Variants in NRXN3 observed in about 807,000 individuals in gnomAD.
The protein encoded by NRXN3 is neurexin III.
Under a neutral mutation model 137.6 loss-of-function variants are expected in NRXN3, and 32 were observed. The observed-to-expected ratio is 0.23, with a 90% CI of 0.18 to 0.31. The LOEUF is 0.31. Ranked by LOEUF, NRXN3 falls within the 10% of genes least tolerant of loss-of-function variation. The probability of loss-of-function intolerance (pLI) is 1.00; values close to 1 mark genes in which losing one functional copy is unlikely to be tolerated. For missense variants in NRXN3, 1,574 were observed against 2,062.5 expected, an observed-to-expected ratio of 0.76 and a Z score of 4.59; for synonymous variants, 798 against 784.5, an observed-to-expected ratio of 1.02 and a Z score of -0.29.
At chr14:78,951,778 C>A (rs554108901) in intron 10 of NRXN3, among the ~76,000 whole-genome samples, 19 of 152,178 alleles carry the variant, frequency 1.2e-4, no homozygotes, top group African/African-American at 4.3e-4. Flanking sequence ...TTCTGATGCT[C>A]AATTAGCATT....
intron 4 of NRXN3, among the ~76,000 whole-genome samples, chr14:78,360,706 T>C (rs191110590): frequency 6.6e-6 from 1 of 152,356 alleles, no homozygotes; most frequent in Non-Finnish European, 1.5e-5. Flanking sequence ...TTTTAAATTG[T>C]ATATGTATGC....
chr14:78,899,252 A>T (rs2152734909), intron 10 of NRXN3, among the ~76,000 whole-genome samples: 1 of 152,062 alleles, frequency 6.6e-6, no homozygotes, highest in East Asian at 1.9e-4. Flanking sequence ...AACACTTCAC[A>T]AGGGTTTGCC....
chr14:79,464,911 G>A (rs142183768), intron 15 of NRXN3, among the ~76,000 whole-genome samples: 68 of 152,220 alleles, frequency 4.5e-4, no homozygotes, highest in African/African-American at 1.6e-3. Context: ...AAAATATTTT[G>A]CAAACTGTAA....
At chr14:78,437,811 C>T (rs1381456137) in intron 4 of NRXN3, among the ~76,000 whole-genome samples, 4 of 152,170 alleles carry the variant, frequency 2.6e-5, no homozygotes, top group South Asian at 2.1e-4. Context: ...ATAAATTTCC[C>T]AGGTGATTTT....
chr14:79,770,351 C>A (rs1331034301), intron 19 of NRXN3, among the ~76,000 whole-genome samples: 2 of 150,798 alleles, frequency 1.3e-5, no homozygotes, highest in Non-Finnish European at 3.0e-5. Flanking sequence ...ACACCTATTC[C>A]AAAATTGACC....
intron 15 of NRXN3, among the ~76,000 whole-genome samples, chr14:79,256,237 G>A (rs1201276521): frequency 6.6e-6 from 1 of 151,764 alleles, no homozygotes. Context: ...CCACTTAAAG[G>A]AATGCTGTGA....
intron 16 of NRXN3, among the ~76,000 whole-genome samples, chr14:79,499,514 C>T (rs942319330): frequency 2.6e-5 from 4 of 152,164 alleles, no homozygotes; most frequent in African/African-American, 9.7e-5. Context: ...TTACCATGTG[C>T]TTACATGTTT....
intron 16 of NRXN3, among the ~76,000 whole-genome samples, chr14:79,478,452 T>A (rs1458069765): frequency 6.6e-6 from 1 of 151,996 alleles, no homozygotes; most frequent in Non-Finnish European, 1.5e-5. Flanking sequence ...TATGGTGTAA[T>A]CTTTGCCACT....
At chr14:78,837,049 A>G (rs1254369241) in intron 10 of NRXN3, among the ~76,000 whole-genome samples, 1 of 152,096 alleles carries the variant, frequency 6.6e-6, no homozygotes, top group African/African-American at 2.4e-5. Flanking sequence ...TCCACCCCCC[A>G]TCCTTAATTA....
At chr14:79,012,812 C>A (rs542761223) in intron 15 of NRXN3, among the ~76,000 whole-genome samples, 1 of 152,188 alleles carries the variant, frequency 6.6e-6, no homozygotes, top group African/African-American at 2.4e-5. Context: ...CAGATGAGAT[C>A]CTTGGTATAA....
chr14:79,816,674 A>G (rs1461684303), intron 20 of NRXN3, among the ~76,000 whole-genome samples: 2 of 152,206 alleles, frequency 1.3e-5, no homozygotes, highest in Non-Finnish European at 2.9e-5. Context: ...GCATGATCCC[A>G]TTACATAGTT....
At chr14:79,348,318 G>A (rs956480194) in intron 15 of NRXN3, among the ~76,000 whole-genome samples, 2 of 151,596 alleles carry the variant, frequency 1.3e-5, no homozygotes, top group Non-Finnish European at 2.9e-5. Context: ...GTAACAGAGA[G>A]CTGAAATTTT....
intron 3 of NRXN3, chr14:78,279,529 T>G (rs1046133021): frequency 6.6e-6 from 1 of 152,206 alleles, no homozygotes; most frequent in African/African-American, 2.4e-5. Context: ...TCTTGTTTAG[T>G]CCTTTTAATA....
intron 15 of NRXN3, among the ~76,000 whole-genome samples, chr14:79,106,801 A>G (rs559927865): frequency 4.6e-5 from 7 of 152,280 alleles, no homozygotes; most frequent in South Asian, 2.1e-4. Flanking sequence ...GAATCTCTTT[A>G]TGCATGATAA....
At chr14:78,307,512 C>G (rs1334543670) in intron 4 of NRXN3, among the ~76,000 whole-genome samples, 1 of 152,034 alleles carries the variant, frequency 6.6e-6, no homozygotes, top group Non-Finnish European at 1.5e-5. Context: ...TAAATAGAAG[C>G]AAAAATATTG....
At chr14:79,278,030 C>T (rs893087653) in intron 15 of NRXN3, among the ~76,000 whole-genome samples, 17 of 152,164 alleles carry the variant, frequency 1.1e-4, no homozygotes, top group Non-Finnish European at 2.2e-4. Context: ...TCCTCAACAC[C>T]TCCTTGGGGT....
At chr14:79,481,969 A>G (rs760430652) in intron 16 of NRXN3, among the ~76,000 whole-genome samples, 5 of 152,162 alleles carry the variant, frequency 3.3e-5, no homozygotes, top group Non-Finnish European at 5.9e-5. Flanking sequence ...GAAGTGCAAA[A>G]GCCTGAAATG....
chr14:79,554,118 A>G (rs965363239), intron 16 of NRXN3, among the ~76,000 whole-genome samples: 8 of 152,028 alleles, frequency 5.3e-5, no homozygotes, highest in African/African-American at 1.9e-4. Context: ...TTGATCCAAA[A>G]GGTTGGAAGT....
chr14:78,483,031 GTTTTT>G (rs2095499783), intron 4 of NRXN3, among the ~76,000 whole-genome samples: 1 of 151,964 alleles, frequency 6.6e-6, no homozygotes, highest in South Asian at 2.1e-4. Flanking sequence ...CCACTAGATT[GTTTTT>G]TTAAATTTTT....
Sources: allele counts gnomAD v4.1 joint callset (sites outside exome capture counted in the v4.1 genomes callset), GRCh38; gene constraint gnomAD v4.1.1; transcripts MANE v1.5; gene names NCBI Gene and HGNC (gene_info 2026-07-23, HGNC 2026-07-21).